Variants in TBRG1 observed in about 807,000 individuals in gnomAD.
The protein encoded by TBRG1 is transforming growth factor beta regulator 1, also known as nuclear interactor of ARF and MDM2.
TBRG1 carries 31 observed loss-of-function variants against 44.0 expected under a neutral mutation model. The observed-to-expected ratio is 0.70, with a 90% CI of 0.53 to 0.95. TBRG1 has a LOEUF of 0.95. Ranked by LOEUF, TBRG1 falls within the 40% of genes least tolerant of loss-of-function variation. The probability of loss-of-function intolerance (pLI) is 0.00; values close to 1 mark genes in which losing one functional copy is unlikely to be tolerated. For missense variants in TBRG1, 487 were observed against 496.1 expected (o/e 0.98, Z 0.18); for synonymous variants, 171 against 188.1 (o/e 0.91, Z 0.74).
At chr11:124,631,885 TA>T in intron 8 of TBRG1, 1 of 527,696 alleles carries the variant, frequency 1.9e-6, no homozygotes, top group Non-Finnish European at 3.4e-6. Context: ...ACTCTTTGCC[TA>T]ATATACTATA....
At chr11:124,627,098 T>G (rs1942493557) in intron 5 of TBRG1, 48 bp downstream of exon 5, 2 of 1,234,500 alleles carry the variant, frequency 1.6e-6, no homozygotes, top group Non-Finnish European at 2.3e-6. Flanking sequence ...ACCTTCTCTG[T>G]GCTAGGATAT....
At chr11:124,625,029 A>G (rs1371017823) in intron 2 of TBRG1, 28 bp downstream of exon 2, 2 of 1,478,042 alleles carry the variant, frequency 1.4e-6, no homozygotes, top group South Asian at 1.2e-5. Context: ...TGTGTTCAGC[A>G]TCACCTTTTT....
In TBRG1 at chr11:124,622,899, C is replaced by A. The variant is rs1264767650; in HGVS notation, c.-185C>A. The A allele has an allele frequency of 4.9e-6, 3 of 614,720 alleles. No individual in the cohort carries two copies. The highest frequency in any genetic ancestry group is 5.5e-6 in the Non-Finnish European group (2 of 365,334). 38.1% of individuals were successfully genotyped at this position (614,720 alleles called of 1,614,324 possible). A position where few individuals can be genotyped will look rare whatever the true frequency, so the allele number is the denominator to read the frequency against. On this transcript the variant is annotated 5_prime_UTR_variant, in exon 1 of 9. Coordinates refer to ENST00000441174, the MANE Select transcript of TBRG1 (RefSeq NM_032811.3). ...CAGACACGGAAGTGCTGGGAGGCGC[C>A]GGGAGCCCGTTCGGTTGCGGGTGTC...
At position 124,633,599 on chromosome 11, in the gene TBRG1, C is replaced by G. The variant is rs12417577; in HGVS notation, c.*1361C>G. ...GCAGCAGTGTTTAGAGCACACCACA[C>G]TGGCCACTGTAAACTGAGAAGCTAA... On this transcript the variant is annotated 3_prime_UTR_variant, in exon 9 of 9. Coordinates refer to ENST00000441174, the MANE Select transcript of TBRG1 (RefSeq NM_032811.3). 1.3e-5 allele frequency: 2 copies of G among 152,238 alleles called. No homozygotes were observed. The highest frequency in any genetic ancestry group is 1.3e-4 in the Admixed American group (2 of 15,280). The allele number at this position is 152,238 out of a possible 1,614,324, so 9.4% of individuals were successfully genotyped here.
intron 3 of TBRG1, among the ~76,000 whole-genome samples, chr11:124,626,141 C>G (rs1411180016): frequency 6.6e-6 from 1 of 152,170 alleles, no homozygotes; most frequent in Admixed American, 6.5e-5. Context: ...CTTCCCCCTT[C>G]CCCCAACTCT....
Position 124,630,150 on chromosome 11 carries a change from C to T in TBRG1, c.739-238C>T, listed in dbSNP as rs531221374. ...TTGGAAAGGTACACAACAAATTAAA[C>T]GCTCACTTTTGGAAAGCTGTCAACC... is the stretch of plus-strand genomic sequence containing the variant. On this transcript the variant is annotated intron_variant, in intron 5 of 8. Transcript: ENST00000441174. 14 of 426,972 alleles carry T rather than the reference C, an allele frequency of 3.3e-5. No homozygotes were observed. In the East Asian group the frequency reaches 4.1e-4, roughly 12 times the overall value. 26.4% of individuals were successfully genotyped at this position (426,972 alleles called of 1,614,324 possible). A position where few individuals can be genotyped will look rare whatever the true frequency, so the allele number is the denominator to read the frequency against.
rs1468218326 is a variant in TBRG1 at position 124,634,466 on chromosome 11, A to T, written c.*2228A>T. 1 of 152,218 alleles carries T rather than the reference A, an allele frequency of 6.6e-6. No individual in the cohort carries two copies. Among genetic ancestry groups the T allele is most frequent in the African/African-American group, 2.4e-5 (1 of 41,458 alleles). 9.4% of individuals were successfully genotyped at this position (152,218 alleles called of 1,614,324 possible). A position where few individuals can be genotyped will look rare whatever the true frequency, so the allele number is the denominator to read the frequency against. On this transcript the variant is annotated 3_prime_UTR_variant, in exon 9 of 9. Coordinates refer to ENST00000441174, the MANE Select transcript of TBRG1 (RefSeq NM_032811.3). ...TGTCAATGAGGGTGAGGGCAAAAAA[A>T]GGACTACCTTGGTGAGAATGTAAGT...
At chr11:124,631,068 C>T in intron 7 of TBRG1, 1 of 635,664 alleles carries the variant, frequency 1.6e-6, no homozygotes. Flanking sequence ...CTGTATGTAC[C>T]ATGACAGCAA....
intron 5 of TBRG1, among the ~76,000 whole-genome samples, chr11:124,629,349 GAAAA>G (rs1942561037): frequency 6.6e-6 from 1 of 151,428 alleles, no homozygotes; most frequent in Non-Finnish European, 1.5e-5. Context: ...AAAAAAAAAA[GAAAA>G]AGAAAAAAGA....
In TBRG1 at chr11:124,634,837, G is replaced by T. The variant is rs1311000584; in HGVS notation, c.*2599G>T. The T allele has an allele frequency of 6.6e-6, 1 of 152,092 alleles. No homozygotes were observed. The highest frequency in any genetic ancestry group is 1.5e-5 in the Non-Finnish European group (1 of 68,020). The allele number at this position is 152,092 out of a possible 1,614,324, so 9.4% of individuals were successfully genotyped here. On this transcript the variant is annotated 3_prime_UTR_variant, in exon 9 of 9. Coordinates refer to ENST00000441174, the MANE Select transcript of TBRG1 (RefSeq NM_032811.3). ...ATTATATAACTCAAGTCAAGTGAAT[G>T]GTTCAGCAAAATAGTGTTTCTCTGA...
intron 4 of TBRG1, 122 bp downstream of exon 4, chr11:124,626,731 C>T (rs1283338632): frequency 7.1e-7 from 1 of 1,416,604 alleles, no homozygotes; most frequent in Non-Finnish European, 9.7e-7. Flanking sequence ...CCCAGCGTAT[C>T]TCCAGTCCCT....
intron 6 of TBRG1, 33 bp downstream of exon 6, chr11:124,630,518 A>T (rs771826956): frequency 6.8e-7 from 1 of 1,465,898 alleles, no homozygotes; most frequent in Non-Finnish European, 9.6e-7. Flanking sequence ...AACAGGCTAA[A>T]AGATCACTGT....
chr11:124,625,538 C>A, intron 2 of TBRG1, 133 bp from the exon 3 acceptor site: 1 of 768,458 alleles, frequency 1.3e-6, no homozygotes, highest in Non-Finnish European at 2.1e-6. Flanking sequence ...TTCATAGGGC[C>A]TAATAAGAAC....
chr11:124,630,028 G>A (rs1366555753), intron 5 of TBRG1: 1 of 178,088 alleles, frequency 5.6e-6, no homozygotes, highest in Non-Finnish European at 1.2e-5. Context: ...GTTTCTCCTA[G>A]ATCTTGTAAA....
Position 124,623,020 on chromosome 11 carries a change from C to T in TBRG1, c.-64C>T. The T allele has an allele frequency of 1.4e-6, 2 of 1,462,006 alleles. No individual in the cohort carries two copies. The highest frequency in any genetic ancestry group is 1.4e-5 in the African/African-American group (1 of 70,374). 90.6% of individuals were successfully genotyped at this position (1,462,006 alleles called of 1,614,324 possible). A position where few individuals can be genotyped will look rare whatever the true frequency, so the allele number is the denominator to read the frequency against. On this transcript the variant is annotated 5_prime_UTR_variant, in exon 1 of 9. Coordinates refer to ENST00000441174, the MANE Select transcript of TBRG1 (RefSeq NM_032811.3). ...GGAACAGACAAAGCCAGCGCTCCCG[C>T]CCGCTCCCCGACTTAGGATCCGATG...
At chr11:124,630,698 C>T (rs1395721070) in intron 6 of TBRG1, 47 bp from the exon 7 acceptor site, 1 of 1,353,780 alleles carries the variant, frequency 7.4e-7, no homozygotes, top group African/African-American at 1.4e-5. Flanking sequence ...AATCCATCTT[C>T]ATCTCCCGCT....
At chr11:124,627,180 A>G (rs1387125328) in intron 5 of TBRG1, 130 bp downstream of exon 5, 16 of 700,700 alleles carry the variant, frequency 2.3e-5, no homozygotes, top group African/African-American at 3.6e-5. Flanking sequence ...AGATGCAGAA[A>G]AGTGGCTGGC....
chr11:124,622,920 G>A lies in TBRG1; in HGVS notation c.-164G>A. On this transcript the variant is annotated 5_prime_UTR_variant, in exon 1 of 9. It adds an upstream start codon to the 5' untranslated region. Coordinates refer to ENST00000441174, the MANE Select transcript of TBRG1 (RefSeq NM_032811.3). ...GCGCCGGGAGCCCGTTCGGTTGCGG[G>A]TGTCTCTGGCCCTGCGGTCAGCCCT... 1 of 716,438 alleles carries A rather than the reference G, an allele frequency of 1.4e-6. No homozygotes were observed. Among genetic ancestry groups the A allele is most frequent in the South Asian group, 2.1e-5 (1 of 48,412 alleles). The allele number at this position is 716,438 out of a possible 1,614,324, so 44.4% of individuals were successfully genotyped here.
chr11:124,623,030 G>T lies in TBRG1; in HGVS notation c.-54G>T. 1 of 1,481,872 alleles carries T rather than the reference G, an allele frequency of 6.7e-7. No individual in the cohort carries two copies. Among genetic ancestry groups the T allele is most frequent in the South Asian group, 1.4e-5 (1 of 72,292 alleles). The allele number at this position is 1,481,872 out of a possible 1,614,324, so 91.8% of individuals were successfully genotyped here. A position where few individuals can be genotyped will look rare whatever the true frequency, so the allele number is the denominator to read the frequency against. Reference sequence around the variant, plus strand: ...AAGCCAGCGCTCCCGCCCGCTCCCCGACTTAGGATCCGATGCCGGCAGCGT... The same window carrying T: ...AAGCCAGCGCTCCCGCCCGCTCCCCTACTTAGGATCCGATGCCGGCAGCGT... On this transcript the variant is annotated 5_prime_UTR_variant, in exon 1 of 9. Coordinates refer to ENST00000441174, the MANE Select transcript of TBRG1 (RefSeq NM_032811.3).
Sources: allele counts gnomAD v4.1 joint callset (sites outside exome capture counted in the v4.1 genomes callset), GRCh38; gene constraint gnomAD v4.1.1; transcripts MANE v1.5; gene names NCBI Gene and HGNC (gene_info 2026-07-23, HGNC 2026-07-21).